LAMA4: variants seen among roughly 807,000 people sequenced by gnomAD.
LAMA4 encodes laminin subunit alpha-4.
Under a neutral mutation model 207.1 loss-of-function variants are expected in LAMA4, and 127 were observed. The ratio of observed to expected loss-of-function variants is 0.61; its 90% confidence interval spans 0.53 to 0.71. LAMA4 has a LOEUF of 0.71. Among genes scored for constraint, LAMA4 ranks in the 30% least tolerant of loss-of-function variants. The probability of loss-of-function intolerance (pLI) is 0.00; values close to 1 mark genes in which losing one functional copy is unlikely to be tolerated. For synonymous variants in LAMA4, 761 were observed against 816.0 expected (o/e 0.93, Z 1.15); for missense variants, 2,093 against 2,246.5 (o/e 0.93, Z 1.38).
intron 15 of LAMA4, 185 bp downstream of exon 15, chr6:112,155,380 A>G: frequency 1.5e-6 from 1 of 648,670 alleles, no homozygotes; most frequent in Non-Finnish European, 2.7e-6. Flanking sequence ...GGACTACAGC[A>G]CATCTCGAAG....
chr6:112,198,229 G>A (rs190834093), intron 5 of LAMA4, among the ~76,000 whole-genome samples: 5 of 152,218 alleles, frequency 3.3e-5, no homozygotes, highest in Non-Finnish European at 7.4e-5. Context: ...GGAGGGCTCA[G>A]GAATCCAAAG....
intron 13 of LAMA4, among the ~76,000 whole-genome samples, chr6:112,161,130 A>G (rs1414716235): frequency 6.6e-6 from 1 of 152,118 alleles, no homozygotes; most frequent in Non-Finnish European, 1.5e-5. Context: ...TGTCTAATCT[A>G]CCTGGAAAGC....
Position 112,158,675 on chromosome 6 carries a change from T to C in LAMA4, c.1817+57A>G. The C allele has an allele frequency of 2.7e-6, 4 of 1,461,616 alleles. No individual in the cohort carries two copies. The South Asian group carries it at 3.4e-5, about 12-fold the overall frequency. 90.5% of individuals were successfully genotyped at this position (1,461,616 alleles called of 1,614,324 possible). On this transcript the variant is annotated intron_variant, in intron 14 of 38. Transcript: ENST00000230538. ...AGTAGTTCTGACATATGGAATTGAA[T>C]AGTAATATTTTATTCACCCCATGTA...
At chr6:112,136,900 T>G (rs1779388619) in intron 24 of LAMA4, among the ~76,000 whole-genome samples, 1 of 152,200 alleles carries the variant, frequency 6.6e-6, no homozygotes, top group South Asian at 2.1e-4. Flanking sequence ...TTCAACTGCC[T>G]TGTCTTTAGG....
intron 14 of LAMA4, among the ~76,000 whole-genome samples, chr6:112,157,141 T>C (rs1370086885): frequency 6.6e-6 from 1 of 152,098 alleles, no homozygotes; most frequent in Non-Finnish European, 1.5e-5. Context: ...CCACAACCCC[T>C]TCTGAGAAAA....
intron 2 of LAMA4, among the ~76,000 whole-genome samples, chr6:112,238,273 C>T (rs1196421153): frequency 1.3e-5 from 2 of 152,126 alleles, no homozygotes; most frequent in African/African-American, 4.8e-5. Flanking sequence ...GGATACTTGG[C>T]ACTTGCTGAG....
intron 2 of LAMA4, among the ~76,000 whole-genome samples, chr6:112,225,983 G>C (rs551641973): frequency 6.6e-6 from 1 of 152,244 alleles, no homozygotes; most frequent in South Asian, 2.1e-4. Context: ...GGGTTAGGCT[G>C]TTCCTACCTC....
intron 2 of LAMA4, among the ~76,000 whole-genome samples, chr6:112,228,350 A>G (rs551787822): frequency 2.6e-4 from 40 of 152,350 alleles, no homozygotes; most frequent in Non-Finnish European, 4.9e-4. Flanking sequence ...TAATTTGTCA[A>G]TTAAAGCAGA....
intron 3 of LAMA4, among the ~76,000 whole-genome samples, chr6:112,214,547 CT>C (rs1784522997): frequency 6.6e-6 from 1 of 152,080 alleles, no homozygotes; most frequent in Non-Finnish European, 1.5e-5. Flanking sequence ...TATTTTTGGT[CT>C]GTTTTCTTAC....
chr6:112,245,849 T>C (rs1489941467), intron 2 of LAMA4, among the ~76,000 whole-genome samples: 9 of 152,188 alleles, frequency 5.9e-5, no homozygotes, highest in African/African-American at 1.9e-4. Flanking sequence ...ATTTTGCATA[T>C]TACTCAAATT....
At chr6:112,148,412 C>T in intron 17 of LAMA4, 76 bp from the exon 18 acceptor site, 1 of 1,481,132 alleles carries the variant, frequency 6.8e-7, no homozygotes, top group South Asian at 1.2e-5. Context: ...ACCCCTTTAA[C>T]CCTTGAATGA....
rs150216057 is a variant in LAMA4 at position 112,215,837 on chromosome 6, G to A, written c.297+531C>T. Among the ~76,000 whole-genome samples, 893 of 152,192 alleles carry A rather than the reference G, an allele frequency of 5.9e-3. 5 individuals carry two copies. Among genetic ancestry groups the A allele is most frequent in the Non-Finnish European group, 8.8e-3 (599 of 68,004 alleles). The stretch of plus-strand genomic sequence containing the variant: ...GTTAAGGAAAAAAATAGTCTCCTGG[G>A]GGCTTAAACACAGACTTGCAAAGAC... On this transcript the variant is annotated intron_variant, in intron 3 of 38. Transcript: ENST00000230538.
chr6:112,129,123 A>T (rs1554328716), intron 30 of LAMA4, 48 bp from the exon 31 acceptor site: 2 of 1,497,728 alleles, frequency 1.3e-6, no homozygotes, highest in Middle Eastern at 1.7e-4. Flanking sequence ...TATTGTTCAG[A>T]ATTACATGAT....
chr6:112,169,189 G>A (rs1781572989), intron 12 of LAMA4, among the ~76,000 whole-genome samples: 1 of 152,162 alleles, frequency 6.6e-6, no homozygotes, highest in Admixed American at 6.5e-5. Context: ...GAGAGAAGCT[G>A]GGACCCTAGG....
rs1779583404 is a variant in LAMA4, at chr6:112,139,855, C to G, written c.3007G>C (p.Val1003Leu). 1.2e-6 allele frequency: 2 copies of G among 1,613,954 alleles called. No individual in the cohort carries two copies. The highest frequency in any genetic ancestry group is 2.2e-5 in the South Asian group (2 of 91,080). The change falls in exon 23 of 39, where the codon GTT (valine) becomes CTT (leucine). Residue 1003 changes from valine (V) to leucine (L), a missense_variant. Coordinates refer to ENST00000230538, the MANE Select transcript of LAMA4 (RefSeq NM_001105206.3). ...LPTSLNLPGF[V>L]GCLELATLNN... ...AAAGTGGCCAGTTCCAGGCAGCCAA[C>G]AAAGCCAGGCAGGTTTAAGCTGGTA...
intron 26 of LAMA4, among the ~76,000 whole-genome samples, chr6:112,134,191 G>C (rs187101046): frequency 4.3e-4 from 66 of 152,250 alleles, no homozygotes; most frequent in African/African-American, 1.6e-3. Flanking sequence ...ATGTTCCACC[G>C]TTCCTATTAT....
intron 12 of LAMA4, 52 bp downstream of exon 12, chr6:112,172,559 T>C (rs1320148442): frequency 6.5e-7 from 1 of 1,533,056 alleles, no homozygotes; most frequent in Non-Finnish European, 9.0e-7. Context: ...CTTCTTGGTG[T>C]ACCATCACAC....
intron 9 of LAMA4, among the ~76,000 whole-genome samples, chr6:112,184,351 A>C (rs902272722): frequency 1.9e-4 from 29 of 152,092 alleles, no homozygotes; most frequent in African/African-American, 6.3e-4. Flanking sequence ...TGTGTTAAAC[A>C]TTCTAATATG....
chr6:112,108,487 A>G lies in LAMA4; in HGVS notation c.*950T>C, dbSNP rs1777535497. 6.6e-6 allele frequency among the ~76,000 whole-genome samples: 1 copy of G among 152,034 alleles called. No homozygotes were observed. The highest frequency in any genetic ancestry group is 2.1e-4 in the South Asian group (1 of 4,820). On this transcript the variant is annotated 3_prime_UTR_variant, in exon 39 of 39. Transcript: ENST00000230538. ...TGGAGTGCAGGTACAGTCAGCAGTC[A>G]TAGCTCACTGCAGCCTTGAACTCCT...
Sources: gnomAD v4.1 joint callset for allele counts (sites outside exome capture counted in the v4.1 genomes callset) on GRCh38, gnomAD v4.1.1 for gene constraint, MANE v1.5 for transcripts, NCBI Gene and HGNC (gene_info 2026-07-23, HGNC 2026-07-21) for gene names.